The following PICALM variants were observed in gnomAD, a reference collection of about 807,000 sequenced individuals.
PICALM encodes phosphatidylinositol binding clathrin assembly protein.
PICALM carries 40 observed loss-of-function variants against 80.5 expected under a neutral mutation model. That is an observed-to-expected ratio of 0.50 (90% CI 0.39 to 0.65). PICALM has a LOEUF of 0.65. PICALM is among the 30% of genes least tolerant of loss of function. PICALM has a pLI of 0.00. For synonymous variants in PICALM, 288 were observed against 260.3 expected (o/e 1.11, Z -1.02); for missense variants, 676 against 778.9 (o/e 0.87, Z 1.57).
chr11:85,967,632 C>A (rs1217634160), intron 19 of PICALM, among the ~76,000 whole-genome samples: 1 of 152,190 alleles, frequency 6.6e-6, no homozygotes, highest in Non-Finnish European at 1.5e-5. Flanking sequence ...AAAAAGCCTT[C>A]TTCACAGAAA....
intron 1 of PICALM, among the ~76,000 whole-genome samples, chr11:86,061,005 G>C (rs938710467): frequency 6.6e-6 from 1 of 152,122 alleles, no homozygotes; most frequent in African/African-American, 2.4e-5. Context: ...AAAAAGACAA[G>C]GCACAGACTG....
At chr11:86,011,245 T>C (rs763960895) in intron 6 of PICALM, 109 bp from the exon 7 acceptor site, 27 of 575,456 alleles carry the variant, frequency 4.7e-5, no homozygotes, top group Non-Finnish European at 6.4e-5. Flanking sequence ...GGAGCATACA[T>C]ACCCTACTAG....
intron 19 of PICALM, among the ~76,000 whole-genome samples, chr11:85,968,446 A>G (rs2093982376): frequency 6.6e-6 from 1 of 152,240 alleles, no homozygotes; most frequent in South Asian, 2.1e-4. Context: ...ATATAAGGAA[A>G]TAAGATGACA....
intron 19 of PICALM, among the ~76,000 whole-genome samples, chr11:85,966,221 C>A (rs1013224619): frequency 3.3e-5 from 5 of 150,520 alleles, no homozygotes; most frequent in East Asian, 4.0e-4. Context: ...TTTTTCCCCC[C>A]CCAAAGACAG....
rs149001787 is a variant in PICALM at position 86,028,323 on chromosome 11, T to C, written c.274-1956A>G. Among the ~76,000 whole-genome samples, 16 of 152,280 alleles carry C rather than the reference T, an allele frequency of 1.1e-4. No individual in the cohort carries two copies. The East Asian group carries it at 1.9e-3, about 18-fold the overall frequency. On this transcript the variant is annotated intron_variant, in intron 2 of 19. Coordinates refer to ENST00000393346, the MANE Select transcript of PICALM (RefSeq NM_007166.4). ...TAAACCTTCATTTAAAGAATGGCAA[T>C]GTGGAAGGTGGGTGATTAGGTACAT...
chr11:86,004,996 G>T (rs530213363), intron 8 of PICALM, among the ~76,000 whole-genome samples: 9 of 152,278 alleles, frequency 5.9e-5, no homozygotes, highest in African/African-American at 1.9e-4. Context: ...TGATGATAGT[G>T]GTTAACATTT....
intron 19 of PICALM, chr11:85,969,789 T>G (rs923231167): frequency 9.7e-6 from 2 of 206,086 alleles, no homozygotes; most frequent in Non-Finnish European, 2.1e-5. Context: ...AAAGTGCTAG[T>G]ATTACAGACA....
intron 8 of PICALM, among the ~76,000 whole-genome samples, chr11:86,007,017 T>G (rs565517653): frequency 1.9e-4 from 29 of 152,154 alleles, no homozygotes; most frequent in Non-Finnish European, 2.4e-4. Flanking sequence ...GAATAGAAAG[T>G]AACTTCCCCA....
At chr11:86,002,868 C>T (rs2095181652) in intron 9 of PICALM, among the ~76,000 whole-genome samples, 4 of 151,988 alleles carry the variant, frequency 2.6e-5, no homozygotes, top group African/African-American at 7.2e-5. Context: ...CAAAAATTAG[C>T]CGGCCGTGGT....
At chr11:86,060,331 A>T (rs1381848194) in intron 1 of PICALM, among the ~76,000 whole-genome samples, 2 of 152,204 alleles carry the variant, frequency 1.3e-5, no homozygotes, top group African/African-American at 4.8e-5. Flanking sequence ...ATCAACATTA[A>T]TTCATTTGAA....
intron 1 of PICALM, among the ~76,000 whole-genome samples, chr11:86,060,196 C>G (rs191914704): frequency 3.9e-5 from 6 of 152,294 alleles, no homozygotes; most frequent in Admixed American, 3.9e-4. Context: ...CTAATACACA[C>G]TCATCCCTAA....
At chr11:86,034,696 C>G (rs980350804) in intron 1 of PICALM, among the ~76,000 whole-genome samples, 1 of 152,042 alleles carries the variant, frequency 6.6e-6, no homozygotes, top group Admixed American at 6.6e-5. Context: ...CGTAGGTTCT[C>G]TGCTTTAGGT....
intron 2 of PICALM, among the ~76,000 whole-genome samples, chr11:86,028,642 C>G (rs565719930): frequency 6.6e-6 from 1 of 152,096 alleles, no homozygotes; most frequent in Non-Finnish European, 1.5e-5. Flanking sequence ...TTACCCAAGT[C>G]ACCCAGTTGG....
chr11:85,977,383 TTTGA>T (rs546271045), intron 17 of PICALM, among the ~76,000 whole-genome samples: 3 of 152,244 alleles, frequency 2.0e-5, no homozygotes, highest in Non-Finnish European at 2.9e-5. Context: ...TTCCTACTAC[TTTGA>T]TTATCTGTAA....
At chr11:85,960,050 T>C (rs1408397941) in intron 19 of PICALM, among the ~76,000 whole-genome samples, 1 of 152,120 alleles carries the variant, frequency 6.6e-6, no homozygotes, top group Admixed American at 6.5e-5. Flanking sequence ...CCAAATGATA[T>C]ACAATTAGAG....
chr11:85,981,476 T>C (rs751397466), intron 16 of PICALM, among the ~76,000 whole-genome samples: 2 of 151,712 alleles, frequency 1.3e-5, no homozygotes, highest in Admixed American at 1.3e-4. Flanking sequence ...GGCATGGTGG[T>C]GGGTGCCTGT....
At chr11:86,019,099 T>C (rs1324942273) in intron 4 of PICALM, among the ~76,000 whole-genome samples, 1 of 152,162 alleles carries the variant, frequency 6.6e-6, no homozygotes, top group African/African-American at 2.4e-5. Flanking sequence ...ATTAGGATGG[T>C]ATTTTTCTTA....
intron 5 of PICALM, among the ~76,000 whole-genome samples, chr11:86,013,132 C>T (rs929006146): frequency 2.6e-5 from 4 of 151,870 alleles, no homozygotes; most frequent in African/African-American, 9.7e-5. Context: ...CACAGCAAGA[C>T]CTTGTCTCTA....
Position 85,981,180 on chromosome 11 carries a change from A to G in PICALM, c.1728T>C (p.Ser576=). The G allele has an allele frequency of 1.2e-6, 2 of 1,609,798 alleles. No individual in the cohort carries two copies. Among genetic ancestry groups the G allele is most frequent in the South Asian group, 1.1e-5 (1 of 91,000 alleles). Residue 576 remains serine (S), a synonymous_variant, in exon 17 of 20, where the codon TCT becomes TCC. Transcript: ENST00000393346. The part of the protein sequence containing the change: ...QPGEKKLTGG[S]NWQPKVAPTT... ...TTGGTGCAACCTTTGGTTGCCAGTT[A>G]GATCCCCCAGTTAACTTCTTTTCAC...
Sources: gnomAD v4.1 joint callset for allele counts (sites outside exome capture counted in the v4.1 genomes callset) on GRCh38, gnomAD v4.1.1 for gene constraint, MANE v1.5 for transcripts, NCBI Gene and HGNC (gene_info 2026-07-23, HGNC 2026-07-21) for gene names.